The following LRRK1 variants were observed in gnomAD, a reference collection of about 807,000 sequenced individuals.
LRRK1 encodes leucine-rich repeat serine/threonine-protein kinase 1.
LRRK1 carries 113 observed loss-of-function variants against 209.1 expected under a neutral mutation model. The ratio of observed to expected loss-of-function variants is 0.54; its 90% confidence interval spans 0.46 to 0.63. The LOEUF is 0.63. LRRK1 is among the 30% of genes least tolerant of loss of function. LRRK1 has a pLI of 0.00. For synonymous variants in LRRK1, 1,144 were observed against 1,099.7 expected (o/e 1.04, Z -0.80); for missense variants, 2,284 against 2,632.2 (o/e 0.87, Z 2.89).
At chr15:101,020,912 C>T (rs1283591038) in intron 12 of LRRK1, 141 bp from the exon 13 acceptor site, 4 of 808,446 alleles carry the variant, frequency 4.9e-6, no homozygotes, top group South Asian at 1.6e-5. Flanking sequence ...ATTGCTAGGT[C>T]GATGAGGTGA....
At chr15:101,052,745 G>A (rs1436682362) in intron 24 of LRRK1, among the ~76,000 whole-genome samples, 177 bp from the exon 25 acceptor site, 1 of 152,228 alleles carries the variant, frequency 6.6e-6, no homozygotes, top group African/African-American at 2.4e-5. Flanking sequence ...TAGCAAGCCT[G>A]CATAACCTAC....
At chr15:101,048,331 G>T (rs1393573486) in intron 21 of LRRK1, among the ~76,000 whole-genome samples, 163 bp from the exon 22 acceptor site, 1 of 152,200 alleles carries the variant, frequency 6.6e-6, no homozygotes, top group Admixed American at 6.5e-5. Flanking sequence ...GTCAGCTAAT[G>T]TAACGTTCAA....
chr15:101,029,285 G>A lies in LRRK1; in HGVS notation c.2963+53G>A, dbSNP rs575832848. 228 of 1,536,262 alleles carry A rather than the reference G, an allele frequency of 1.5e-4. No homozygotes were observed. In the African/African-American group the frequency reaches 2.8e-3, roughly 19 times the overall value. On this transcript the variant is annotated intron_variant, in intron 20 of 33. Coordinates refer to ENST00000388948, the MANE Select transcript of LRRK1 (RefSeq NM_024652.6). The stretch of plus-strand genomic sequence containing the variant: ...TGTGCAGGTTGCTCCCCGAAAGAGG[G>A]AGTTGGGGTCTGGAGCCACTGGTGG...
At chr15:100,972,357 AGAGAGAGTGT>A (rs777698584) in intron 2 of LRRK1, among the ~76,000 whole-genome samples, 1,747 of 95,748 alleles carry the variant, frequency 0.018, 16 homozygotes, top group African/African-American at 0.034. Context: ...AGAGAGAGAG[AGAGAGAGTGT>A]GTGTGTGTGT....
chr15:100,997,006 T>C (rs2032447345), intron 6 of LRRK1, among the ~76,000 whole-genome samples: 1 of 152,242 alleles, frequency 6.6e-6, no homozygotes, highest in African/African-American at 2.4e-5. Flanking sequence ...TACAAATGGA[T>C]TCTAGACAAG....
At chr15:101,001,979 C>A (rs186027118) in intron 6 of LRRK1, among the ~76,000 whole-genome samples, 48 of 152,294 alleles carry the variant, frequency 3.2e-4, no homozygotes, top group African/African-American at 7.0e-4. Flanking sequence ...AGAGGAACAC[C>A]TGTGTGCATA....
chr15:101,041,025 A>G (rs973976262), intron 20 of LRRK1, among the ~76,000 whole-genome samples: 2 of 152,100 alleles, frequency 1.3e-5, no homozygotes, highest in African/African-American at 4.8e-5. Context: ...TGATAAGTCT[A>G]CCTCTCTCTC....
At chr15:101,012,407 A>G (rs909849587) in intron 10 of LRRK1, among the ~76,000 whole-genome samples, 1 of 152,224 alleles carries the variant, frequency 6.6e-6, no homozygotes, top group Non-Finnish European at 1.5e-5. Flanking sequence ...CGGCCTGCCC[A>G]TATATGAGGC....
At chr15:100,967,512 T>C (rs866223048) in intron 2 of LRRK1, among the ~76,000 whole-genome samples, 5 of 151,298 alleles carry the variant, frequency 3.3e-5, no homozygotes, top group Non-Finnish European at 7.4e-5. Flanking sequence ...GCAGCTTGCC[T>C]TTTTTCTTTC....
At chr15:101,060,524 T>C (rs2036104086) in intron 29 of LRRK1, among the ~76,000 whole-genome samples, 1 of 152,350 alleles carries the variant, frequency 6.6e-6, no homozygotes, top group East Asian at 1.9e-4. Flanking sequence ...AGAAACTTTA[T>C]ATTGAGAACT....
At chr15:100,983,488 T>A in intron 3 of LRRK1, 40 bp from the exon 4 acceptor site, 1 of 1,526,888 alleles carries the variant, frequency 6.5e-7, no homozygotes, top group African/African-American at 1.4e-5. Flanking sequence ...CAGTTCCTAA[T>A]AGAGCCAGTC....
chr15:101,058,103 G>C lies in LRRK1; in HGVS notation c.4641G>C (p.Glu1547Asp), dbSNP rs1316812128. The C allele has an allele frequency of 6.2e-7, 1 of 1,614,060 alleles. No individual in the cohort carries two copies. The highest frequency in any genetic ancestry group is 1.3e-5 in the African/African-American group (1 of 74,920). Residue 1547 changes from glutamate to aspartate, a missense_variant, in exon 29 of 34, where the codon GAG becomes GAC. By Grantham distance (45) the Glu-to-Asp change is conservative. Coordinates refer to ENST00000388948, the MANE Select transcript of LRRK1 (RefSeq NM_024652.6). ...CCTTCTTCTCATCCCAGGGCCAGGA[G>C]TACACCGTGGTGTTTTGGGATGGAA... ...QTAFFSSQGQ[E>D]YTVVFWDGKE...
chr15:100,990,706 T>C (rs1422390064), intron 6 of LRRK1, among the ~76,000 whole-genome samples: 1 of 149,454 alleles, frequency 6.7e-6, no homozygotes, highest in Non-Finnish European at 1.5e-5. Flanking sequence ...TGTCTTTTTT[T>C]CTCACTTTGG....
chr15:101,028,531 T>C (rs1002754810), intron 19 of LRRK1, among the ~76,000 whole-genome samples: 2 of 152,256 alleles, frequency 1.3e-5, no homozygotes, highest in African/African-American at 4.8e-5. Flanking sequence ...AGCAGGCAGC[T>C]GTTTTCAGCA....
chr15:100,960,352 C>T (rs979832212), intron 2 of LRRK1, among the ~76,000 whole-genome samples: 10 of 142,772 alleles, frequency 7.0e-5, no homozygotes, highest in Admixed American at 1.5e-4. Flanking sequence ...CCAGAAGCAA[C>T]GTGGCAATGT....
At chr15:101,013,049 C>A (rs1420849355) in intron 10 of LRRK1, among the ~76,000 whole-genome samples, 1 of 152,196 alleles carries the variant, frequency 6.6e-6, no homozygotes, top group Admixed American at 6.5e-5. Context: ...CCCCCAAAGC[C>A]CAGAAGCAGC....
rs953831776 is a variant in LRRK1, at chr15:101,022,183, T to C, written c.1853-200T>C. On this transcript the variant is annotated intron_variant, in intron 14 of 33. Coordinates refer to ENST00000388948, the MANE Select transcript of LRRK1 (RefSeq NM_024652.6). This position sits in a 1 kb window ranked among gnomAD's most constrained non-coding sequence, Gnocchi z 4.0. ...CTGTGACCTCCTGGGCAGCAAGGAT[T>C]TTGTCCATAGGTTCTTGCCTCTTAG... Among the ~76,000 whole-genome samples the C allele has an allele frequency of 6.6e-6, 1 of 152,104 alleles. No individual in the cohort carries two copies. Among genetic ancestry groups the C allele is most frequent in the African/African-American group, 2.4e-5 (1 of 41,386 alleles).
chr15:100,989,148 A>G, intron 5 of LRRK1, 102 bp from the exon 6 acceptor site: 1 of 1,028,352 alleles, frequency 9.7e-7, no homozygotes, highest in Non-Finnish European at 1.5e-6. Flanking sequence ...CAACATGCAC[A>G]AGTACCTTTT....
intron 2 of LRRK1, among the ~76,000 whole-genome samples, chr15:100,935,309 C>T (rs914972946): frequency 3.3e-5 from 5 of 152,114 alleles, no homozygotes; most frequent in Non-Finnish European, 7.4e-5. Flanking sequence ...GGCATTTACA[C>T]AGAATGAAGT....
Sources: allele counts gnomAD v4.1 joint callset (sites outside exome capture counted in the v4.1 genomes callset), GRCh38; gene constraint gnomAD v4.1.1; non-coding constraint Gnocchi (gnomAD v3.1); transcripts MANE v1.5; gene names NCBI Gene and HGNC (gene_info 2026-07-23, HGNC 2026-07-21).